Variants in JAKMIP1 observed in about 807,000 individuals in gnomAD.
The protein encoded by JAKMIP1 is janus kinase and microtubule interacting protein 1.
In JAKMIP1, 33 loss-of-function variants were observed where a neutral mutation model predicts 113.0. That is an observed-to-expected ratio of 0.29 (90% confidence interval 0.22 to 0.39). JAKMIP1 has a LOEUF of 0.39. JAKMIP1 is among the 10% of genes least tolerant of loss of function. The probability of loss-of-function intolerance (pLI) is 1.00; values close to 1 mark genes in which losing one functional copy is unlikely to be tolerated. For missense variants in JAKMIP1, 813 were observed against 1,080.5 expected (o/e 0.75, Z 3.47); for synonymous variants, 480 against 459.9 (o/e 1.04, Z -0.56).
At chr4:6,170,272 C>G in intron 1 of JAKMIP1, among the ~76,000 whole-genome samples, 2 of 149,448 alleles carry the variant, frequency 1.3e-5, no homozygotes, top group Middle Eastern at 3.5e-3. Context: ...CCACCACCAC[C>G]ACCATCACCA....
At chr4:6,090,097 C>T (rs1430697853) in intron 3 of JAKMIP1, among the ~76,000 whole-genome samples, 1 of 152,086 alleles carries the variant, frequency 6.6e-6, no homozygotes. Flanking sequence ...TGGTGCATGC[C>T]TGTAATCCCA....
At chr4:6,082,461 C>T (rs1327532066) in intron 5 of JAKMIP1, among the ~76,000 whole-genome samples, 1 of 151,542 alleles carries the variant, frequency 6.6e-6, no homozygotes, top group Non-Finnish European at 1.5e-5. Flanking sequence ...CCATATGTAT[C>T]TTCTTCATGG....
In JAKMIP1 at chr4:6,081,539, G is replaced by A. The variant is rs145353725; in HGVS notation, c.1101+70C>T. 46 of 1,564,998 alleles carry A rather than the reference G, an allele frequency of 2.9e-5. No homozygotes were observed. The East Asian group carries it at 1.0e-3, about 35-fold the overall frequency. The stretch of plus-strand genomic sequence containing the variant: ...GCGCCCCAGAACATGTGAATCGGGA[G>A]GTTCAGGGCTGAAGAATCCCAGACA... On this transcript the variant is annotated intron_variant, in intron 6 of 20. Transcript: ENST00000409021. The surrounding 1 kb of genome is among the most constrained non-coding windows in gnomAD (Gnocchi z 4.6).
intron 1 of JAKMIP1, among the ~76,000 whole-genome samples, chr4:6,189,437 A>AT (rs1036617277): frequency 2.0e-5 from 3 of 152,186 alleles, no homozygotes; most frequent in Admixed American, 6.5e-5. Context: ...AACAGAGTGA[A>AT]TTTTTTTTCA....
At chr4:6,026,318 AAAAAG>A (rs1416026585) in intron 20 of JAKMIP1, 40 bp from the exon 21 acceptor site, 3 of 1,040,902 alleles carry the variant, frequency 2.9e-6, no homozygotes, top group African/African-American at 3.2e-5. Flanking sequence ...AAAAGAGAAG[AAAAAG>A]AAAAGAAAAC....
Position 6,183,131 on chromosome 4 carries a change from G to T in JAKMIP1, c.-148+17122C>A, listed in dbSNP as rs1726233131. On this transcript the variant is annotated intron_variant, in intron 1 of 20. Transcript: ENST00000409021. The surrounding 1 kb of genome is among the most constrained non-coding windows in gnomAD (Gnocchi z 5.3). The stretch of plus-strand genomic sequence containing the variant: ...GATACAGGCAGATAACAATACCACA[G>T]ATATCTAGACACACAGATACAGGTG... Among the ~76,000 whole-genome samples the T allele has an allele frequency of 6.6e-6, 1 of 152,218 alleles. No individual in the cohort carries two copies. The highest frequency in any genetic ancestry group is 6.5e-5 in the Admixed American group (1 of 15,286).
rs1344071454 is a variant in JAKMIP1, at chr4:6,143,713, G to C, written c.-147-30716C>G. On this transcript the variant is annotated intron_variant, in intron 1 of 20. Coordinates refer to ENST00000409021, the MANE Select transcript of JAKMIP1 (RefSeq NM_001099433.2). The surrounding 1 kb of genome is among the most constrained non-coding windows in gnomAD (Gnocchi z 4.9). ...AACAGTAACCTACTGAACAGAACGT[G>C]GGGGTGGACTCAGCAGTGTGGGTTT... Among the ~76,000 whole-genome samples, 1 of 152,200 alleles carries C rather than the reference G, an allele frequency of 6.6e-6. No homozygotes were observed. The highest frequency in any genetic ancestry group is 1.5e-5 in the Non-Finnish European group (1 of 68,030).
At chr4:6,196,591 C>G (rs1016195532) in intron 1 of JAKMIP1, among the ~76,000 whole-genome samples, 2 of 152,098 alleles carry the variant, frequency 1.3e-5, no homozygotes, top group Non-Finnish European at 2.9e-5. Flanking sequence ...CGGTGGCTCA[C>G]GCCTGTACTC....
rs1019364459 is a variant in JAKMIP1, at chr4:6,080,532, T to C, written c.1102-220A>G. On this transcript the variant is annotated intron_variant, in intron 6 of 20. Coordinates refer to ENST00000409021, the MANE Select transcript of JAKMIP1 (RefSeq NM_001099433.2). This position sits in a 1 kb window ranked among gnomAD's most constrained non-coding sequence, Gnocchi z 6.0. ...GTTGTGGGAGGGGCCAGGTGGGAGA[T>C]CATTGAATCATGGTGGCGGTTTCTC... Among the ~76,000 whole-genome samples, 5 of 152,068 alleles carry C rather than the reference T, an allele frequency of 3.3e-5. No homozygotes were observed. Among genetic ancestry groups the C allele is most frequent in the African/African-American group, 1.2e-4 (5 of 41,402 alleles).
At chr4:6,026,728 T>C (rs1711869267) in intron 20 of JAKMIP1, among the ~76,000 whole-genome samples, 1 of 151,672 alleles carries the variant, frequency 6.6e-6, no homozygotes, top group Admixed American at 6.6e-5. Context: ...CCAGTCCAAC[T>C]TGCAGACAAG....
At chr4:6,058,080 G>T (rs1388135133) in intron 11 of JAKMIP1, among the ~76,000 whole-genome samples, 3 of 152,224 alleles carry the variant, frequency 2.0e-5, no homozygotes, top group Non-Finnish European at 4.4e-5. Flanking sequence ...CCTGGGATAG[G>T]TGAGAGTTCT....
chr4:6,144,119 T>TA (rs899244977), intron 1 of JAKMIP1, among the ~76,000 whole-genome samples: 76 of 151,508 alleles, frequency 5.0e-4, no homozygotes, highest in African/African-American at 1.1e-3. Context: ...TCCTGTATGT[T>TA]AAAAAAAAAG....
intron 1 of JAKMIP1, among the ~76,000 whole-genome samples, chr4:6,125,146 G>T (rs948564767): frequency 2.3e-4 from 35 of 152,232 alleles, no homozygotes; most frequent in African/African-American, 8.4e-4. Context: ...GTGCGTTTCT[G>T]CATGGTGTGT....
intron 9 of JAKMIP1, among the ~76,000 whole-genome samples, chr4:6,062,873 A>T: frequency 6.6e-6 from 1 of 152,248 alleles, no homozygotes; most frequent in African/African-American, 2.4e-5. Context: ...ATGGCCGGGC[A>T]TGGTGGCTCA....
chr4:6,113,782 T>G (rs779005455), intron 1 of JAKMIP1, among the ~76,000 whole-genome samples: 17 of 152,198 alleles, frequency 1.1e-4, no homozygotes, highest in Non-Finnish European at 2.2e-4. Flanking sequence ...AAACTGTAAT[T>G]GACTTAGTTC....
intron 8 of JAKMIP1, among the ~76,000 whole-genome samples, chr4:6,073,075 CT>C (rs1213214453): frequency 9.0e-6 from 1 of 111,270 alleles, no homozygotes; most frequent in East Asian, 3.3e-4. Context: ...GAAACTCTGT[CT>C]TAAAAAAAAA....
intron 2 of JAKMIP1, 27 bp downstream of exon 2, chr4:6,112,695 C>A (rs1543966): frequency 0.48 from 770,176 of 1,604,998 alleles, 191,681 homozygotes; most frequent in Admixed American, 0.68. Flanking sequence ...GCAGCCCAGC[C>A]GCTGCTGAGC....
chr4:6,048,812 G>T, intron 16 of JAKMIP1, 45 bp downstream of exon 16: 1 of 1,525,238 alleles, frequency 6.6e-7, no homozygotes, highest in Non-Finnish European at 9.1e-7. Flanking sequence ...ATGGTGCTGG[G>T]AAGCTGGGAC....
At chr4:6,169,603 TTGTGTGTGTGTGTGTGTGTG>T (rs71173413) in intron 1 of JAKMIP1, among the ~76,000 whole-genome samples, 1 of 137,284 alleles carries the variant, frequency 7.3e-6, no homozygotes, top group Non-Finnish European at 1.5e-5. Context: ...CCCTAGGAAA[TTGTGTGTGTGTGTGTGTGTG>T]TGTGTGTGTG....
Sources: allele counts gnomAD v4.1 joint callset (sites outside exome capture counted in the v4.1 genomes callset), GRCh38; gene constraint gnomAD v4.1.1; non-coding constraint Gnocchi (gnomAD v3.1); transcripts MANE v1.5; gene names NCBI Gene and HGNC (gene_info 2026-07-23, HGNC 2026-07-21).